The following SPTB variants were observed in gnomAD, a reference collection of about 807,000 sequenced individuals.
SPTB encodes spectrin beta, erythrocytic.
SPTB carries 45 observed loss-of-function variants against 256.2 expected under a neutral mutation model. The observed-to-expected ratio is 0.18, with a 90% CI of 0.14 to 0.23. The LOEUF (loss-of-function observed/expected upper bound fraction) is 0.23, where lower values mean the gene tolerates loss of function less well. Ranked by LOEUF, SPTB falls within the 10% of genes least tolerant of loss-of-function variation. SPTB has a pLI of 1.00. For missense variants in SPTB, 2,715 were observed against 3,040.4 expected (o/e 0.89, Z 2.52); for synonymous variants, 1,231 against 1,243.1 (o/e 0.99, Z 0.21).
In SPTB at chr14:64,817,409, T is replaced by G. The variant is rs117275650; in HGVS notation, c.148+5538A>C. On this transcript the variant is annotated intron_variant, in intron 2 of 35. Transcript: ENST00000644917. ...TAGTATATTTTCCCAATATGTAGTC[T>G]CTAAATAAAACCCCATTTTATGTTT... 8.8e-3 allele frequency among the ~76,000 whole-genome samples: 1,345 copies of G among 152,338 alleles called. 6 individuals carry two copies. Among genetic ancestry groups the G allele is most frequent in the Non-Finnish European group, 0.013 (869 of 68,018 alleles).
chr14:64,769,189 G>A (rs1053284586), intron 28 of SPTB, 71 bp from the exon 29 acceptor site: 2 of 1,392,644 alleles, frequency 1.4e-6, no homozygotes, highest in Admixed American at 3.4e-5. Flanking sequence ...GCGCAGATGG[G>A]TCCTGCAAAG....
At chr14:64,782,618 T>C in intron 19 of SPTB, 65 bp from the exon 20 acceptor site, 1 of 1,605,704 alleles carries the variant, frequency 6.2e-7, no homozygotes, top group Non-Finnish European at 8.5e-7. Context: ...GCCCTGCTCC[T>C]GATGGTTGCA....
In SPTB at chr14:64,816,789, C is replaced by A. The variant is rs2083199017; in HGVS notation, c.148+6158G>T. On this transcript the variant is annotated intron_variant, in intron 2 of 35. Transcript: ENST00000644917. This position sits in a 1 kb window ranked among gnomAD's most constrained non-coding sequence, Gnocchi z 4.2. ...AATTGCTACAGATGCTCTGAAAACA[C>A]CACCCTTGGCACCTCCTCAGCCAAG... Among the ~76,000 whole-genome samples the A allele has an allele frequency of 6.6e-6, 1 of 152,162 alleles. No homozygotes were observed. Among genetic ancestry groups the A allele is most frequent in the African/African-American group, 2.4e-5 (1 of 41,434 alleles).
intron 32 of SPTB, among the ~76,000 whole-genome samples, chr14:64,761,863 C>T (rs1437394424): frequency 2.0e-5 from 3 of 152,088 alleles, no homozygotes; most frequent in Non-Finnish European, 2.9e-5. Context: ...GATCTGCCAC[C>T]CAGTGGTCAC....
chr14:64,778,361 C>G lies in SPTB; in HGVS notation c.4563+796G>C, dbSNP rs2082398272. 6.6e-6 allele frequency among the ~76,000 whole-genome samples: 1 copy of G among 152,192 alleles called. No individual in the cohort carries two copies. Among genetic ancestry groups the G allele is most frequent in the Non-Finnish European group, 1.5e-5 (1 of 68,036 alleles). On this transcript the variant is annotated intron_variant, in intron 22 of 35. Coordinates refer to ENST00000644917, the MANE Select transcript of SPTB (RefSeq NM_001355436.2). The surrounding 1 kb of genome is among the most constrained non-coding windows in gnomAD (Gnocchi z 5.2). The stretch of plus-strand genomic sequence containing the variant: ...TAACCGGGCACTCTGGGACATGTCA[C>G]TTTTATCTGGGATCTAAGTTCCTGG...
chr14:64,843,507 C>A (rs988134696), intron 1 of SPTB, among the ~76,000 whole-genome samples: 1 of 152,196 alleles, frequency 6.6e-6, no homozygotes, highest in Non-Finnish European at 1.5e-5. Flanking sequence ...GCAGTAAATT[C>A]CTTACTCTCT....
At chr14:64,801,181 C>T (rs543839774) in intron 7 of SPTB, 104 bp downstream of exon 7, 6 of 976,612 alleles carry the variant, frequency 6.1e-6, no homozygotes, top group South Asian at 5.9e-5. Flanking sequence ...GCTTGCCCAG[C>T]ACCTGGGCCG....
intron 9 of SPTB, among the ~76,000 whole-genome samples, 193 bp from the exon 10 acceptor site, chr14:64,798,039 G>C (rs889752159): frequency 3.3e-5 from 5 of 152,154 alleles, no homozygotes; most frequent in Non-Finnish European, 5.9e-5. Context: ...CACCAACTGA[G>C]ATCTATTAGG....
intron 1 of SPTB, among the ~76,000 whole-genome samples, chr14:64,867,542 A>T (rs1882257189): frequency 6.6e-6 from 1 of 152,152 alleles, no homozygotes; most frequent in Non-Finnish European, 1.5e-5. Context: ...TGGGGGTCTT[A>T]AGGCATATAT....
intron 1 of SPTB, among the ~76,000 whole-genome samples, chr14:64,842,730 C>T (rs1313077978): frequency 6.6e-6 from 1 of 152,166 alleles, no homozygotes; most frequent in Non-Finnish European, 1.5e-5. Flanking sequence ...TTTTGTGCCT[C>T]AGTTTCTCCA....
intron 2 of SPTB, among the ~76,000 whole-genome samples, chr14:64,812,094 A>G (rs920697157): frequency 1.3e-5 from 2 of 152,208 alleles, no homozygotes; most frequent in Non-Finnish European, 2.9e-5. Context: ...GATTACAGGC[A>G]TGTGCCAACA....
rs1286630711 is a variant in SPTB, at chr14:64,793,649, C to T, written c.2014G>A (p.Val672Met). ...SLDYGKDLTSVLILQRKHKAF... is the reference protein window; with the variant it reads ...SLDYGKDLTSMLILQRKHKAF... ...TTGTGCTTGCGCTGTAAGATGAGCA[C>T]ACTGGTCAGGTCTTTGCCATAGTCC... The change falls in exon 14 of 36, where the codon GTG becomes ATG. Residue 672 changes from valine to methionine, a missense_variant. Physicochemically the swap from Val to Met is conservative, Grantham distance 21. This residue lies in a region of SPTB where 2,239 missense variants were observed against 2,384.4 expected (regional missense o/e 0.94). Transcript: ENST00000644917. This position sits in a 1 kb window ranked among gnomAD's most constrained non-coding sequence, Gnocchi z 7.0. 2 of 1,614,186 alleles carry T rather than the reference C, an allele frequency of 1.2e-6. No individual in the cohort carries two copies. Among genetic ancestry groups the T allele is most frequent in the South Asian group, 1.1e-5 (1 of 91,082 alleles).
rs201049665 is a variant in SPTB, at chr14:64,769,115, G to C, written c.5941C>G (p.Arg1981Gly). 1.5e-5 allele frequency: 24 copies of C among 1,613,528 alleles called. No homozygotes were observed. The East Asian group carries it at 4.7e-4, about 31-fold the overall frequency. Residue 1981 changes from arginine (R) to glycine (G), a missense_variant, in exon 29 of 36, where the codon CGC becomes GGC. Arg to Gly is a moderately radical substitution (Grantham distance 125, BLOSUM62 -2). Coordinates refer to ENST00000644917, the MANE Select transcript of SPTB (RefSeq NM_001355436.2). ...QRQHQASEEIREKLQQVMSRR... is the reference protein window; with the variant it reads ...QRQHQASEEIGEKLQQVMSRR... ...GACATCACCTGCTGCAGTTTCTCGC[G>C]GATCTATGGGGAGGAAAGGGAGAAA...
chr14:64,858,646 A>T (rs2139794713), intron 1 of SPTB, among the ~76,000 whole-genome samples: 1 of 152,294 alleles, frequency 6.6e-6, no homozygotes, highest in South Asian at 2.1e-4. Context: ...GAAACGCCAA[A>T]CAAATGACAG....
intron 2 of SPTB, among the ~76,000 whole-genome samples, chr14:64,815,484 G>A (rs887080756): frequency 6.6e-6 from 1 of 152,212 alleles, no homozygotes; most frequent in African/African-American, 2.4e-5. Flanking sequence ...ACTTCACAGA[G>A]TGGGTGAAGG....
chr14:64,832,024 C>G (rs140445045), intron 1 of SPTB, among the ~76,000 whole-genome samples: 1 of 152,144 alleles, frequency 6.6e-6, no homozygotes, highest in East Asian at 1.9e-4. Context: ...GAAATCAATC[C>G]ATCAACCAAC....
At chr14:64,774,245 G>A in intron 24 of SPTB, 152 bp downstream of exon 24, 2 of 1,061,652 alleles carry the variant, frequency 1.9e-6, no homozygotes, top group South Asian at 3.3e-5. Flanking sequence ...AAATGAAATT[G>A]GATCCATCAC....
intron 15 of SPTB, among the ~76,000 whole-genome samples, chr14:64,789,123 G>A (rs1006424696): frequency 7.9e-5 from 12 of 152,124 alleles, no homozygotes; most frequent in African/African-American, 2.4e-4. Flanking sequence ...GGCTGAGGCC[G>A]GAGGATCTCT....
rs1369644943 is a variant in SPTB at position 64,786,407 on chromosome 14, G to A, written c.3558C>T (p.Asn1186=). ...DAKQAEAILS[N]QEYTLAHLEP... ...CCAGCCCTGAATGCCTCTCTACCTG[G>A]TTGCTGAGGATGGCTTCAGCCTGCT... Residue 1186 remains asparagine, a synonymous_variant, in exon 16 of 36, where the codon AAC becomes AAT. Transcript: ENST00000644917. This position sits in a 1 kb window ranked among gnomAD's most constrained non-coding sequence, Gnocchi z 5.6. The A allele has an allele frequency of 2.5e-6, 4 of 1,614,038 alleles. No individual in the cohort carries two copies. Among genetic ancestry groups the A allele is most frequent in the Non-Finnish European group, 2.5e-6 (3 of 1,180,030 alleles).
Sources: allele counts gnomAD v4.1 joint callset (sites outside exome capture counted in the v4.1 genomes callset), GRCh38; gene constraint gnomAD v4.1.1; regional missense constraint gnomAD v4.1.1; non-coding constraint Gnocchi (gnomAD v3.1); transcripts MANE v1.5; gene names NCBI Gene and HGNC (gene_info 2026-07-23, HGNC 2026-07-21).